The following ABCA1 variants were observed in gnomAD, a reference collection of about 807,000 sequenced individuals.
The protein encoded by ABCA1 is phospholipid-transporting ATPase ABCA1.
In ABCA1, 133 loss-of-function variants were observed where a neutral mutation model predicts 262.5. That is an observed-to-expected ratio of 0.51 (90% CI 0.44 to 0.59). ABCA1 has a LOEUF of 0.59. ABCA1 is among the 20% of genes least tolerant of loss of function. The pLI is 0.00. For missense variants in ABCA1, 2,452 were observed against 2,777.5 expected (o/e 0.88, Z 2.63); for synonymous variants, 1,022 against 1,043.5 (o/e 0.98, Z 0.40).
intron 48 of ABCA1, among the ~76,000 whole-genome samples, chr9:104,785,960 C>CA (rs1409919906): frequency 1.3e-5 from 2 of 152,202 alleles, no homozygotes; most frequent in Admixed American, 1.3e-4. Context: ...GGCCAGGATG[C>CA]AAACCCATTT....
chr9:104,832,887 T>G, intron 11 of ABCA1, 116 bp from the exon 12 acceptor site: 1 of 933,018 alleles, frequency 1.1e-6, no homozygotes, highest in Non-Finnish European at 1.7e-6. Flanking sequence ...CACAGAAAAC[T>G]GAGGTAAATG....
In ABCA1 at chr9:104,922,179, C is replaced by T. The variant is rs745559957; in HGVS notation, c.-93+5756G>A. On this transcript the variant is annotated intron_variant, in intron 1 of 49. Coordinates refer to ENST00000374736, the MANE Select transcript of ABCA1 (RefSeq NM_005502.4). The stretch of plus-strand genomic sequence containing the variant: ...TTGCCTGAATGCTATTTGTGGTCTT[C>T]GTAGAATGGAGAGTAACTGAAGGCC... Among the ~76,000 whole-genome samples the T allele has an allele frequency of 4.6e-5, 7 of 152,264 alleles. No homozygotes were observed. In the East Asian group the frequency reaches 5.8e-4, roughly 13 times the overall value.
intron 27 of ABCA1, 150 bp downstream of exon 27, chr9:104,813,967 AC>A: frequency 1.3e-6 from 1 of 770,292 alleles, no homozygotes; most frequent in Non-Finnish European, 2.2e-6. Flanking sequence ...GCTGCAAAGA[AC>A]AAGTGGCTTT....
At position 104,814,059 on chromosome 9, in the gene ABCA1, C is replaced by T. The variant is rs1564116488; in HGVS notation, c.3901+59G>A. 9 of 1,540,852 alleles carry T rather than the reference C, an allele frequency of 5.8e-6. No individual in the cohort carries two copies. The South Asian group carries it at 7.8e-5, about 13-fold the overall frequency. ...GCCATCCAAAGAAAACAGGTGAGAGCATGAGAGAGAATTTCACATTCAAAC... is the reference window on the plus strand; with the variant it reads ...GCCATCCAAAGAAAACAGGTGAGAGTATGAGAGAGAATTTCACATTCAAAC... On this transcript the variant is annotated intron_variant, in intron 27 of 49. Coordinates refer to ENST00000374736, the MANE Select transcript of ABCA1 (RefSeq NM_005502.4).
rs570255057 is a variant in ABCA1 at position 104,920,763 on chromosome 9, G to A, written c.-93+7172C>T. Among the ~76,000 whole-genome samples, 8 of 152,280 alleles carry A rather than the reference G, an allele frequency of 5.3e-5. No homozygotes were observed. The South Asian group carries it at 1.4e-3, about 28-fold the overall frequency. ...CTGACCTCATGATCCGCCCACCTTG[G>A]CCTCCCAAAGTGCTGGAATTATAGG... is the stretch of plus-strand genomic sequence containing the variant. On this transcript the variant is annotated intron_variant, in intron 1 of 49. Coordinates refer to ENST00000374736, the MANE Select transcript of ABCA1 (RefSeq NM_005502.4).
intron 12 of ABCA1, 105 bp from the exon 13 acceptor site, chr9:104,831,932 A>C: frequency 9.5e-7 from 1 of 1,053,054 alleles, no homozygotes; most frequent in Non-Finnish European, 1.5e-6. Flanking sequence ...ACGATTGCTC[A>C]TCCTCTCTCT....
At chr9:104,899,307 T>C (rs1196217306) in intron 2 of ABCA1, among the ~76,000 whole-genome samples, 1 of 151,966 alleles carries the variant, frequency 6.6e-6, no homozygotes, top group African/African-American at 2.4e-5. Flanking sequence ...ATGCAGAGAG[T>C]TTCCATCTAC....
chr9:104,797,710 C>T (rs566424660), intron 37 of ABCA1, among the ~76,000 whole-genome samples: 10 of 152,250 alleles, frequency 6.6e-5, no homozygotes, highest in Admixed American at 1.3e-4. Flanking sequence ...TACAGTGCTT[C>T]GGAGGTTACA....
intron 46 of ABCA1, 60 bp from the exon 47 acceptor site, chr9:104,787,036 T>TCTG: frequency 6.8e-7 from 1 of 1,473,298 alleles, no homozygotes; most frequent in South Asian, 1.2e-5. Flanking sequence ...AAGATAAATT[T>TCTG]GTTTTTAAAT....
At chr9:104,813,143 G>A (rs758953721) in intron 27 of ABCA1, among the ~76,000 whole-genome samples, 2 of 152,136 alleles carry the variant, frequency 1.3e-5, no homozygotes, top group African/African-American at 4.8e-5. Context: ...TTATATTTTG[G>A]TAAAACGTGG....
chr9:104,846,383 A>G (rs1834884189), intron 7 of ABCA1, among the ~76,000 whole-genome samples: 1 of 152,194 alleles, frequency 6.6e-6, no homozygotes. Flanking sequence ...GGGAAAATCC[A>G]CCTTTCTTGA....
intron 5 of ABCA1, 143 bp from the exon 6 acceptor site, chr9:104,861,943 G>A (rs1836434720): frequency 5.3e-6 from 4 of 754,062 alleles, no homozygotes; most frequent in Non-Finnish European, 8.7e-6. Context: ...GAATGAGATA[G>A]GGGAGCATCG....
chr9:104,845,651 CTG>C (rs1834805113), intron 7 of ABCA1, 82 bp from the exon 8 acceptor site: 1 of 974,042 alleles, frequency 1.0e-6, no homozygotes, highest in South Asian at 1.4e-5. Context: ...TGAATTAAAA[CTG>C]TTCACAATCT....
chr9:104,926,234 G>C (rs908692581), intron 1 of ABCA1, among the ~76,000 whole-genome samples: 2 of 152,196 alleles, frequency 1.3e-5, no homozygotes, highest in Non-Finnish European at 2.9e-5. Flanking sequence ...TGAAAAGTCG[G>C]ATTTTAAAAG....
At chr9:104,906,440 A>G (rs564882981) in intron 1 of ABCA1, among the ~76,000 whole-genome samples, 7 of 152,326 alleles carry the variant, frequency 4.6e-5, no homozygotes, top group South Asian at 2.1e-4. Flanking sequence ...TCTGACTCCA[A>G]GGACTCTCCA....
At chr9:104,823,003 T>G (rs1484925440) in intron 18 of ABCA1, among the ~76,000 whole-genome samples, 1 of 149,870 alleles carries the variant, frequency 6.7e-6, no homozygotes, top group Non-Finnish European at 1.5e-5. Context: ...TACTCAGCAG[T>G]GAAGAGGAAT....
intron 1 of ABCA1, among the ~76,000 whole-genome samples, chr9:104,927,134 C>T (rs1298488590): frequency 6.6e-6 from 1 of 151,646 alleles, no homozygotes; most frequent in African/African-American, 2.4e-5. Context: ...CGCTTGAACC[C>T]GGGAGGCGGA....
At chr9:104,812,435 A>C in intron 28 of ABCA1, 139 bp downstream of exon 28, 1 of 1,118,954 alleles carries the variant, frequency 8.9e-7, no homozygotes, top group Non-Finnish European at 1.3e-6. Context: ...CTGGCAAGGA[A>C]TAGAACTGGG....
intron 7 of ABCA1, among the ~76,000 whole-genome samples, chr9:104,849,526 C>T (rs893056893): frequency 3.3e-5 from 5 of 152,180 alleles, no homozygotes; most frequent in Non-Finnish European, 5.9e-5. Flanking sequence ...TCAGCATTTA[C>T]TAATAATATT....
Sources: gnomAD v4.1 joint callset for allele counts (sites outside exome capture counted in the v4.1 genomes callset) on GRCh38, gnomAD v4.1.1 for gene constraint, MANE v1.5 for transcripts, NCBI Gene and HGNC (gene_info 2026-07-23, HGNC 2026-07-21) for gene names.